Variants in STK17B observed in about 807,000 individuals in gnomAD.
STK17B encodes the protein serine/threonine kinase 17b.
STK17B carries 21 observed loss-of-function variants against 42.0 expected under a neutral mutation model. The observed-to-expected ratio is 0.50, with a 90% CI of 0.35 to 0.72. The LOEUF is 0.72. STK17B is among the 30% of genes least tolerant of loss of function. The pLI is 0.00. For missense variants in STK17B, 349 were observed against 446.0 expected (o/e 0.78, Z 1.96); for synonymous variants, 143 against 148.4 (o/e 0.96, Z 0.26).
chr2:196,168,691 T>C (rs1699899311), intron 1 of STK17B, among the ~76,000 whole-genome samples: 1 of 152,176 alleles, frequency 6.6e-6, no homozygotes, highest in Non-Finnish European at 1.5e-5. Flanking sequence ...TGAGGTTAAA[T>C]GTTCTGGAAA....
intron 7 of STK17B, 127 bp from the exon 8 acceptor site, chr2:196,137,856 C>CAAACAG: frequency 9.7e-7 from 1 of 1,025,816 alleles, no homozygotes; most frequent in South Asian, 1.7e-5. Flanking sequence ...GTATAAAATC[C>CAAACAG]AAACAGTACA....
chr2:196,171,625 C>T (rs538783952), upstream of STK17B: 4 of 152,194 alleles, frequency 2.6e-5, no homozygotes, highest in African/African-American at 9.6e-5. Flanking sequence ...CAGATCCCTC[C>T]CCCTAGGTCG....
upstream of STK17B, among the ~76,000 whole-genome samples, chr2:196,173,787 G>T (rs918900866): frequency 2.0e-5 from 3 of 152,144 alleles, no homozygotes; most frequent in Non-Finnish European, 4.4e-5. Flanking sequence ...ATTCCGACCA[G>T]GGATGGCGGT....
chr2:196,160,712 T>G (rs1334924430), intron 2 of STK17B, among the ~76,000 whole-genome samples: 1 of 152,178 alleles, frequency 6.6e-6, no homozygotes, highest in Non-Finnish European at 1.5e-5. Flanking sequence ...ATGTGACTCA[T>G]TAGCCCATAT....
rs1322015120 is a variant in STK17B at position 196,134,383 on chromosome 2, T to A, written c.*3064A>T. ...TTAGATCAGCCATGGCATTAGATTCTCAAAGGAGCTCGAATCCTGCTGTGA... is the reference window on the plus strand; with the variant it reads ...TTAGATCAGCCATGGCATTAGATTCACAAAGGAGCTCGAATCCTGCTGTGA... On this transcript the variant is annotated 3_prime_UTR_variant, in exon 8 of 8. Transcript: ENST00000263955. 6.6e-6 allele frequency: 1 copy of A among 152,184 alleles called. No homozygotes were observed. Among genetic ancestry groups the A allele is most frequent in the African/African-American group, 2.4e-5 (1 of 41,440 alleles). 9.4% of individuals were successfully genotyped at this position (152,184 alleles called of 1,614,324 possible).
At chr2:196,153,645 G>A (rs1176379196) in intron 3 of STK17B, 1 of 152,092 alleles carries the variant, frequency 6.6e-6, no homozygotes, top group African/African-American at 2.4e-5. Flanking sequence ...TACAGGTCTG[G>A]GGCAGGCAAG....
At chr2:196,147,400 T>G (rs1004035140) in intron 3 of STK17B, among the ~76,000 whole-genome samples, 8 of 152,112 alleles carry the variant, frequency 5.3e-5, no homozygotes, top group African/African-American at 1.9e-4. Flanking sequence ...AGCTGGGGAT[T>G]CAGAAGTCTC....
chr2:196,153,737 T>C (rs1167858151), intron 3 of STK17B: 3 of 151,734 alleles, frequency 2.0e-5, no homozygotes, highest in African/African-American at 4.9e-5. Context: ...CAAAAGGACA[T>C]AGGAAGTAGC....
At chr2:196,141,374 C>T (rs1699491569) in intron 5 of STK17B, 77 bp from the exon 6 acceptor site, 1 of 1,208,758 alleles carries the variant, frequency 8.3e-7, no homozygotes. Flanking sequence ...TACGTTATAA[C>T]TGGGACTGGG....
chr2:196,137,755 A>G (rs1255348877), intron 7 of STK17B, 26 bp from the exon 8 acceptor site: 1 of 1,579,986 alleles, frequency 6.3e-7, no homozygotes, highest in Admixed American at 1.9e-5. Flanking sequence ...CCAAGGGAAA[A>G]TTGAGAACTA....
At chr2:196,138,362 A>G (rs1699439592) in intron 7 of STK17B, among the ~76,000 whole-genome samples, 1 of 152,110 alleles carries the variant, frequency 6.6e-6, no homozygotes, top group African/African-American at 2.4e-5. Context: ...ATTATTTAGT[A>G]CTCTTCCATA....
intron 7 of STK17B, 147 bp downstream of exon 7, chr2:196,139,470 TACC>T (rs1699461326): frequency 2.4e-6 from 1 of 412,158 alleles, no homozygotes; most frequent in South Asian, 1.2e-4. Flanking sequence ...TGATTGCTCA[TACC>T]ACCTATTTTA....
At chr2:196,164,244 T>C (rs1575186569) in intron 1 of STK17B, among the ~76,000 whole-genome samples, 1 of 152,182 alleles carries the variant, frequency 6.6e-6, no homozygotes, top group Admixed American at 6.5e-5. Context: ...GGATTGGCTA[T>C]GTTTCAGTAC....
At chr2:196,153,808 A>G (rs1699700815) in intron 3 of STK17B, 2 of 152,248 alleles carry the variant, frequency 1.3e-5, no homozygotes. Context: ...ACAGTGGCAG[A>G]AACTGATTAG....
intron 3 of STK17B, among the ~76,000 whole-genome samples, chr2:196,148,250 A>G (rs1699611435): frequency 6.6e-6 from 1 of 152,194 alleles, no homozygotes; most frequent in Non-Finnish European, 1.5e-5. Flanking sequence ...GCATGTCAGT[A>G]TTCATTTCTC....
Position 196,167,530 on chromosome 2 carries a change from CTA to C in STK17B, c.-45+3801_-45+3802del, listed in dbSNP as rs530242888. On this transcript the variant is annotated intron_variant, in intron 1 of 7. Coordinates refer to ENST00000263955, the MANE Select transcript of STK17B (RefSeq NM_004226.4). The stretch of plus-strand genomic sequence containing the variant: ...TTCAGCATTTGGACAAATAAAGTAA[CTA>C]TTTTAAATTGCACTTACAAAATGTC... Among the ~76,000 whole-genome samples the C allele has an allele frequency of 3.9e-5, 6 of 152,334 alleles. No homozygotes were observed. The South Asian group carries it at 1.2e-3, about 32-fold the overall frequency.
intron 1 of STK17B, among the ~76,000 whole-genome samples, chr2:196,164,162 T>G (rs1699848908): frequency 6.6e-6 from 1 of 151,570 alleles, no homozygotes; most frequent in Admixed American, 6.6e-5. Flanking sequence ...CTAAAGAAAT[T>G]TGGTGGTAAA....
rs746534976 is a variant in STK17B at position 196,143,567 on chromosome 2, T to C, written c.600A>G (p.Glu200=). 2 of 1,594,884 alleles carry C rather than the reference T, an allele frequency of 1.3e-6. No individual in the cohort carries two copies. The highest frequency in any genetic ancestry group is 1.7e-6 in the Non-Finnish European group (2 of 1,174,078). The change falls in exon 5 of 8, where the codon GAA becomes GAG. Residue 200 remains glutamate, a synonymous_variant. Coordinates refer to ENST00000263955, the MANE Select transcript of STK17B (RefSeq NM_004226.4). ...CELREIMGTP[E]YLAPEILNYD... ...ATAAAAGGAAATTCTTACCTAAATA[T>C]TCTGGTGTTCCCATGATTTCCCGAA...
intron 1 of STK17B, among the ~76,000 whole-genome samples, chr2:196,169,138 G>A (rs528186277): frequency 2.7e-5 from 4 of 146,380 alleles, no homozygotes; most frequent in South Asian, 4.3e-4. Flanking sequence ...GTGCAGTGGC[G>A]TGATCTCGGC....
Sources: allele counts gnomAD v4.1 joint callset (sites outside exome capture counted in the v4.1 genomes callset), GRCh38; gene constraint gnomAD v4.1.1; transcripts MANE v1.5; gene names NCBI Gene and HGNC (gene_info 2026-07-23, HGNC 2026-07-21).